The following LDB2 variants were observed in gnomAD, a reference collection of about 807,000 sequenced individuals.
The protein encoded by LDB2 is LIM domain-binding protein 2.
LDB2 carries 12 observed loss-of-function variants against 44.3 expected under a neutral mutation model. That is an observed-to-expected ratio of 0.27 (90% CI 0.17 to 0.44). LDB2 has a LOEUF of 0.44. LDB2 is among the 20% of genes least tolerant of loss of function. LDB2 has a pLI of 1.00. For synonymous variants in LDB2, 164 were observed against 174.8 expected (o/e 0.94, Z 0.49); for missense variants, 344 against 473.5 (o/e 0.73, Z 2.54).
chr4:16,833,005 GAAAC>G (rs2110060574), intron 1 of LDB2, among the ~76,000 whole-genome samples: 1 of 152,262 alleles, frequency 6.6e-6, no homozygotes, highest in African/African-American at 2.4e-5. Flanking sequence ...TACTCATAAG[GAAAC>G]AAACAGCGAT....
intron 2 of LDB2, among the ~76,000 whole-genome samples, chr4:16,665,181 C>T (rs1308452257): frequency 6.6e-6 from 1 of 151,976 alleles, no homozygotes; most frequent in Non-Finnish European, 1.5e-5. Context: ...TGGATCGGGT[C>T]TGAGCCACAG....
At chr4:16,818,317 A>C (rs1781318667) in intron 1 of LDB2, among the ~76,000 whole-genome samples, 1 of 152,130 alleles carries the variant, frequency 6.6e-6, no homozygotes, top group South Asian at 2.1e-4. Flanking sequence ...TGTCACTTTC[A>C]CAGCCTGCAG....
At chr4:16,762,106 G>T (rs1037845870) in intron 1 of LDB2, among the ~76,000 whole-genome samples, 1 of 152,122 alleles carries the variant, frequency 6.6e-6, no homozygotes, top group Non-Finnish European at 1.5e-5. Flanking sequence ...TGAGGCAGGA[G>T]AATAACTTGA....
chr4:16,720,439 A>G (rs1297683447), intron 2 of LDB2, among the ~76,000 whole-genome samples: 1 of 152,146 alleles, frequency 6.6e-6, no homozygotes, highest in African/African-American at 2.4e-5. Flanking sequence ...GCCATCCCCA[A>G]CAATCACATA....
At chr4:16,789,074 G>C (rs1387759951) in intron 1 of LDB2, among the ~76,000 whole-genome samples, 1 of 152,092 alleles carries the variant, frequency 6.6e-6, no homozygotes, top group Admixed American at 6.5e-5. Context: ...TGCATTCCCT[G>C]AGCACACACT....
chr4:16,829,452 T>A (rs1156814376), intron 1 of LDB2, among the ~76,000 whole-genome samples: 2 of 152,232 alleles, frequency 1.3e-5, no homozygotes, highest in African/African-American at 4.8e-5. Context: ...ATTTATTTTT[T>A]AAAACCGTGT....
rs1173237037 is a variant in LDB2, at chr4:16,582,396, C to G, written c.615+3526G>C. ...TCATGGTTGCTGAATTGGATCCCTT[C>G]ATAAAATGCCAGGCGGACAACAGGA... On this transcript the variant is annotated intron_variant, in intron 5 of 7. Transcript: ENST00000304523. The surrounding 1 kb of genome is among the most constrained non-coding windows in gnomAD (Gnocchi z 4.8). Among the ~76,000 whole-genome samples the G allele has an allele frequency of 1.3e-5, 2 of 152,162 alleles. No individual in the cohort carries two copies. The highest frequency in any genetic ancestry group is 2.4e-5 in the African/African-American group (1 of 41,432).
Position 16,638,339 on chromosome 4 carries a change from T to A in LDB2, c.236-42464A>T, listed in dbSNP as rs142003742. Among the ~76,000 whole-genome samples, 209 of 152,274 alleles carry A rather than the reference T, an allele frequency of 1.4e-3. 1 individual carries two copies. The highest frequency in any genetic ancestry group is 4.8e-3 in the African/African-American group (200 of 41,572). On this transcript the variant is annotated intron_variant, in intron 2 of 7. Transcript: ENST00000304523. ...AGTGCTGTAACTGATGCATGTTTCT[T>A]ACAAATGAGCGTTCACCGTTCAGTA...
At chr4:16,661,902 C>T (rs932229729) in intron 2 of LDB2, among the ~76,000 whole-genome samples, 2 of 152,098 alleles carry the variant, frequency 1.3e-5, no homozygotes, top group Admixed American at 6.5e-5. Flanking sequence ...AATCTTGTTC[C>T]CTGGGAACTT....
At chr4:16,681,788 G>A (rs1747998922) in intron 2 of LDB2, among the ~76,000 whole-genome samples, 1 of 151,872 alleles carries the variant, frequency 6.6e-6, no homozygotes, top group Non-Finnish European at 1.5e-5. Context: ...AGCCAGGATG[G>A]TCTGGATCTT....
At chr4:16,863,655 TC>T (rs1713522202) in intron 1 of LDB2, among the ~76,000 whole-genome samples, 1 of 123,346 alleles carries the variant, frequency 8.1e-6, no homozygotes, top group Non-Finnish European at 1.6e-5. Context: ...ACTCACATTC[TC>T]TTTTTTTTTT....
intron 1 of LDB2, among the ~76,000 whole-genome samples, chr4:16,889,880 A>G (rs1467103133): frequency 1.3e-5 from 2 of 152,208 alleles, no homozygotes; most frequent in Non-Finnish European, 2.9e-5. Context: ...TTGTTTGAGG[A>G]AGGGCTCTCT....
rs1303921327 is a variant in LDB2 at position 16,595,114 on chromosome 4, G to T, written c.408+589C>A. Reference sequence around the variant, plus strand: ...TTTTTCATTTCACAGCCTTCATGGGGCTTTGAATTCAGCCTCAAACATTGT... The same window carrying T: ...TTTTTCATTTCACAGCCTTCATGGGTCTTTGAATTCAGCCTCAAACATTGT... On this transcript the variant is annotated intron_variant, in intron 3 of 7. Transcript: ENST00000304523. Among the ~76,000 whole-genome samples the T allele has an allele frequency of 2.6e-5, 4 of 152,034 alleles. No individual in the cohort carries two copies. In the South Asian group the frequency reaches 6.2e-4, roughly 24 times the overall value.
chr4:16,651,417 A>C (rs977438485), intron 2 of LDB2, among the ~76,000 whole-genome samples: 6 of 152,188 alleles, frequency 3.9e-5, no homozygotes, highest in African/African-American at 1.4e-4. Context: ...AAATATTTTC[A>C]TAAATATTTT....
At chr4:16,733,566 A>C (rs1236005368) in intron 2 of LDB2, among the ~76,000 whole-genome samples, 2 of 152,202 alleles carry the variant, frequency 1.3e-5, no homozygotes, top group Non-Finnish European at 2.9e-5. Context: ...TTGGGGGTTC[A>C]TGTCTGTGCC....
At chr4:16,871,274 T>C (rs1716509530) in intron 1 of LDB2, among the ~76,000 whole-genome samples, 1 of 152,232 alleles carries the variant, frequency 6.6e-6, no homozygotes, top group Non-Finnish European at 1.5e-5. Context: ...TAGCTTCAAA[T>C]GAGCCATAGT....
intron 4 of LDB2, among the ~76,000 whole-genome samples, chr4:16,586,286 T>C (rs909790049): frequency 1.6e-4 from 24 of 152,068 alleles, no homozygotes; most frequent in African/African-American, 5.6e-4. Context: ...GGAGAGGCCT[T>C]GGCACTCGGG....
chr4:16,756,037 A>C (rs957425748), intron 2 of LDB2, among the ~76,000 whole-genome samples: 1 of 152,204 alleles, frequency 6.6e-6, no homozygotes, highest in Non-Finnish European at 1.5e-5. Flanking sequence ...CACGTGGAGG[A>C]AGAGGGTCAA....
chr4:16,556,402 A>G (rs933912021), intron 5 of LDB2, among the ~76,000 whole-genome samples: 4 of 152,200 alleles, frequency 2.6e-5, no homozygotes, highest in African/African-American at 7.2e-5. Context: ...CAAGCAATAC[A>G]TCTTCCTTTT....
Sources: allele counts gnomAD v4.1 joint callset (sites outside exome capture counted in the v4.1 genomes callset), GRCh38; gene constraint gnomAD v4.1.1; non-coding constraint Gnocchi (gnomAD v3.1); transcripts MANE v1.5; gene names NCBI Gene and HGNC (gene_info 2026-07-23, HGNC 2026-07-21).